LDLRAD3: variants seen among roughly 807,000 people sequenced by gnomAD.
LDLRAD3 encodes low-density lipoprotein receptor class A domain-containing protein 3.
A neutral mutation model predicts 29.4 loss-of-function variants in LDLRAD3; 20 were observed. The observed-to-expected ratio is 0.68, with a 90% confidence interval of 0.48 to 0.99. The LOEUF is 0.99. Among genes scored for constraint, LDLRAD3 ranks in the 50% least tolerant of loss-of-function variants. The pLI, the probability that LDLRAD3 is intolerant of heterozygous loss-of-function variation, is 0.00. For missense variants in LDLRAD3, 420 were observed against 454.3 expected (o/e 0.92, Z 0.69); for synonymous variants, 157 against 192.7 (o/e 0.81, Z 1.53).
At chr11:36,182,091 A>G (rs1854773204) in intron 4 of LDLRAD3, among the ~76,000 whole-genome samples, 1 of 152,204 alleles carries the variant, frequency 6.6e-6, no homozygotes, top group South Asian at 2.1e-4. Flanking sequence ...CCTGCAGATA[A>G]CAGAAAGGAG....
chr11:36,029,568 T>G (rs1243299768), intron 1 of LDLRAD3, among the ~76,000 whole-genome samples: 2 of 152,116 alleles, frequency 1.3e-5, no homozygotes, highest in African/African-American at 4.8e-5. Context: ...ATTTTCCTCA[T>G]GAAATGCACT....
chr11:36,072,253 A>G (rs927363280), intron 2 of LDLRAD3, among the ~76,000 whole-genome samples: 8 of 152,198 alleles, frequency 5.3e-5, no homozygotes, highest in Non-Finnish European at 1.2e-4. Flanking sequence ...TGAGAGATGC[A>G]GCAGGTCTGA....
intron 2 of LDLRAD3, among the ~76,000 whole-genome samples, chr11:36,041,320 T>C (rs188367607): frequency 2.0e-4 from 30 of 152,246 alleles, no homozygotes; most frequent in Non-Finnish European, 2.9e-5. Flanking sequence ...GATGAGGAAA[T>C]TGAGCAGTAG....
chr11:36,208,157 AG>A (rs1318678240), intron 4 of LDLRAD3, among the ~76,000 whole-genome samples: 2 of 152,224 alleles, frequency 1.3e-5, no homozygotes, highest in Admixed American at 1.3e-4. Flanking sequence ...CAAAAAAATA[AG>A]AACATGGAGG....
At chr11:36,007,603 C>A (rs530772335) in intron 1 of LDLRAD3, among the ~76,000 whole-genome samples, 51 of 152,298 alleles carry the variant, frequency 3.3e-4, no homozygotes, top group African/African-American at 1.2e-3. Context: ...CTTCAGCAGT[C>A]CTCCTCAGCC....
intron 1 of LDLRAD3, among the ~76,000 whole-genome samples, chr11:36,022,728 T>G (rs796077783): frequency 6.6e-6 from 1 of 152,226 alleles, no homozygotes; most frequent in East Asian, 1.9e-4. Context: ...TTTTTAAACT[T>G]GCTTCGTTTT....
At chr11:36,085,236 CT>C (rs1194165940) in intron 3 of LDLRAD3, among the ~76,000 whole-genome samples, 1 of 152,076 alleles carries the variant, frequency 6.6e-6, no homozygotes, top group Non-Finnish European at 1.5e-5. Flanking sequence ...TCTATAAGCA[CT>C]TTAAGTATGC....
At chr11:36,206,609 G>A (rs1855211955) in intron 4 of LDLRAD3, among the ~76,000 whole-genome samples, 1 of 152,150 alleles carries the variant, frequency 6.6e-6, no homozygotes, top group South Asian at 2.1e-4. Flanking sequence ...GGTCATGTTG[G>A]CCAAGAGAGC....
At chr11:36,023,048 T>C (rs1486884899) in intron 1 of LDLRAD3, among the ~76,000 whole-genome samples, 3 of 152,192 alleles carry the variant, frequency 2.0e-5, no homozygotes, top group African/African-American at 4.8e-5. Context: ...GGAGTGTGCC[T>C]GTGTGAGCAG....
At position 36,229,616 on chromosome 11, in the gene LDLRAD3, T is replaced by A. The variant is rs1855549225; in HGVS notation, c.*219T>A. On this transcript the variant is annotated 3_prime_UTR_variant, in exon 6 of 6. Transcript: ENST00000315571. ...TCTGTTGTGCGTCTTTTCTGTCAGG[T>A]CACTCTTCCCTTGGGACCCGAGATC... The A allele has an allele frequency of 5.9e-6, 3 of 511,706 alleles. No homozygotes were observed. Among genetic ancestry groups the A allele is most frequent in the East Asian group, 2.9e-5 (1 of 34,216 alleles). The allele number at this position is 511,706 out of a possible 1,614,324, so 31.7% of individuals were successfully genotyped here. A position where few individuals can be genotyped will look rare whatever the true frequency, so the allele number is the denominator to read the frequency against.
intron 4 of LDLRAD3, among the ~76,000 whole-genome samples, chr11:36,173,456 G>T (rs191190624): frequency 1.3e-4 from 19 of 150,970 alleles, no homozygotes; most frequent in Non-Finnish European, 2.7e-4. Context: ...TTGTCCCTGC[G>T]ATAGTTTGCT....
intron 2 of LDLRAD3, among the ~76,000 whole-genome samples, chr11:36,047,988 A>T (rs1312121960): frequency 2.0e-5 from 3 of 151,892 alleles, no homozygotes; most frequent in African/African-American, 4.8e-5. Flanking sequence ...GTGAGAATAC[A>T]TATGAAAGTG....
intron 1 of LDLRAD3, among the ~76,000 whole-genome samples, chr11:36,028,255 G>C (rs984169158): frequency 1.3e-5 from 2 of 152,238 alleles, no homozygotes; most frequent in Admixed American, 6.5e-5. Flanking sequence ...TCTGTTGCCT[G>C]TTCATGCAGT....
intron 3 of LDLRAD3, among the ~76,000 whole-genome samples, chr11:36,086,809 C>G (rs1447656960): frequency 2.6e-5 from 4 of 152,198 alleles, no homozygotes; most frequent in Non-Finnish European, 4.4e-5. Context: ...CATGCATTCT[C>G]TTCAGGTTTT....
At chr11:36,181,981 C>T (rs1307600583) in intron 4 of LDLRAD3, among the ~76,000 whole-genome samples, 1 of 152,128 alleles carries the variant, frequency 6.6e-6, no homozygotes, top group Non-Finnish European at 1.5e-5. Context: ...TGACCCAAAG[C>T]ATCAGAAATA....
At chr11:36,125,496 A>T (rs1853823075) in intron 4 of LDLRAD3, among the ~76,000 whole-genome samples, 1 of 152,238 alleles carries the variant, frequency 6.6e-6, no homozygotes, top group Non-Finnish European at 1.5e-5. Flanking sequence ...TCATGATTAA[A>T]ATCATTAGCA....
At chr11:36,014,697 G>A (rs963319645) in intron 1 of LDLRAD3, among the ~76,000 whole-genome samples, 2 of 152,104 alleles carry the variant, frequency 1.3e-5, no homozygotes, top group South Asian at 2.1e-4. Context: ...GAATTATTAC[G>A]GCAGAAAAGA....
At chr11:36,068,786 G>A (rs1338411554) in intron 2 of LDLRAD3, among the ~76,000 whole-genome samples, 1 of 152,174 alleles carries the variant, frequency 6.6e-6, no homozygotes, top group East Asian at 1.9e-4. Flanking sequence ...CAAGTGCTGG[G>A]ATTACAGGCG....
chr11:35,972,520 C>T (rs1021734635), intron 1 of LDLRAD3: 1 of 151,942 alleles, frequency 6.6e-6, no homozygotes, highest in African/African-American at 2.4e-5. Context: ...TACTGGTTAC[C>T]CATTCTCCAG....
Sources: gnomAD v4.1 joint callset for allele counts (sites outside exome capture counted in the v4.1 genomes callset) on GRCh38, gnomAD v4.1.1 for gene constraint, MANE v1.5 for transcripts, NCBI Gene and HGNC (gene_info 2026-07-23, HGNC 2026-07-21) for gene names.